Variants in NCOA5 observed in about 807,000 individuals in gnomAD.
NCOA5 encodes the protein NCoA-5.
A neutral mutation model predicts 59.0 loss-of-function variants in NCOA5; 12 were observed. The observed-to-expected ratio is 0.20, with a 90% CI of 0.13 to 0.33. The LOEUF (loss-of-function observed/expected upper bound fraction) is 0.33. Ranked by LOEUF, NCOA5 falls within the 10% of genes least tolerant of loss-of-function variation. NCOA5 has a pLI of 1.00. For missense variants in NCOA5, 655 were observed against 766.6 expected (o/e 0.85, Z 1.72); for synonymous variants, 270 against 275.5 (o/e 0.98, Z 0.20).
chr20:46,062,873 T>C lies in NCOA5; in HGVS notation c.1167A>G (p.Gln389=), dbSNP rs745552702. The part of the protein sequence containing the change: ...TDSLPGPISR[Q]PLGATSGASL... ...AGGCACCCGAGGTCGCCCCGAGTGGTTGGCGGGAAATCGGGCCTGGAAGAC... is the reference window on the plus strand; with the variant it reads ...AGGCACCCGAGGTCGCCCCGAGTGGCTGGCGGGAAATCGGGCCTGGAAGAC... The change falls in exon 8 of 8, where the codon CAA becomes CAG. Residue 389 remains glutamine (Q), a synonymous_variant. Coordinates refer to ENST00000290231, the MANE Select transcript of NCOA5 (RefSeq NM_020967.3). The C allele has an allele frequency of 6.6e-6, 10 of 1,517,024 alleles. No individual in the cohort carries two copies. In the Admixed American group the frequency reaches 1.1e-4, roughly 17 times the overall value. The allele number at this position is 1,517,024 out of a possible 1,614,324, so 94.0% of individuals were successfully genotyped here.
At chr20:46,081,232 C>T (rs2084988796) in intron 1 of NCOA5, among the ~76,000 whole-genome samples, 1 of 152,078 alleles carries the variant, frequency 6.6e-6, no homozygotes, top group African/African-American at 2.4e-5. Flanking sequence ...CATCTAAACA[C>T]TGACTAGACC....
intron 2 of NCOA5, among the ~76,000 whole-genome samples, chr20:46,072,370 C>T (rs192361909): frequency 1.3e-5 from 2 of 152,172 alleles, no homozygotes; most frequent in African/African-American, 2.4e-5. Flanking sequence ...GCTGCCCAGG[C>T]TGGAGTGCAG....
chr20:46,069,421 A>G (rs2084857977), intron 3 of NCOA5, among the ~76,000 whole-genome samples: 1 of 152,214 alleles, frequency 6.6e-6, no homozygotes, highest in Admixed American at 6.5e-5. Context: ...TGGCTGAATG[A>G]TACCACATTA....
rs189319413 is a variant in NCOA5 at position 46,086,682 on chromosome 20, G to T, written c.-30+3135C>A. ...TGCTATTCACAGGACAACTATTTTT[G>T]CACAAAAAAGCTGATATTGAGCTTT... On this transcript the variant is annotated intron_variant, in intron 1 of 7. Coordinates refer to ENST00000290231, the MANE Select transcript of NCOA5 (RefSeq NM_020967.3). Among the ~76,000 whole-genome samples, 738 of 152,204 alleles carry T rather than the reference G, an allele frequency of 4.8e-3. 3 individuals carry two copies. Among genetic ancestry groups the T allele is most frequent in the Non-Finnish European group, 6.6e-3 (446 of 67,992 alleles).
At chr20:46,076,474 AAAT>A (rs2084939737) in intron 2 of NCOA5, among the ~76,000 whole-genome samples, 1 of 152,182 alleles carries the variant, frequency 6.6e-6, no homozygotes, top group African/African-American at 2.4e-5. Context: ...ACAATGATTA[AAAT>A]GTTAGTGCTC....
intron 3 of NCOA5, 37 bp from the exon 4 acceptor site, chr20:46,068,675 G>C (rs1187698158): frequency 6.3e-7 from 1 of 1,595,088 alleles, no homozygotes; most frequent in Admixed American, 1.8e-5. Context: ...AGATAAAACT[G>C]TGTCTTATCC....
chr20:46,069,017 G>A (rs2084853823), intron 3 of NCOA5, among the ~76,000 whole-genome samples: 1 of 151,586 alleles, frequency 6.6e-6, no homozygotes, highest in South Asian at 2.1e-4. Context: ...ATGTTGCCTA[G>A]GTTGGTCTTG....
intron 1 of NCOA5, among the ~76,000 whole-genome samples, chr20:46,087,037 T>A (rs895649784): frequency 6.6e-6 from 1 of 152,192 alleles, no homozygotes; most frequent in Non-Finnish European, 1.5e-5. Flanking sequence ...GGGCAAGAAA[T>A]CTAACCTCTT....
At chr20:46,088,799 G>A (rs1394464156) in intron 1 of NCOA5, among the ~76,000 whole-genome samples, 1 of 152,240 alleles carries the variant, frequency 6.6e-6, no homozygotes, top group Non-Finnish European at 1.5e-5. Context: ...CAAGCCAGAA[G>A]AACCACAATT....
intron 5 of NCOA5, among the ~76,000 whole-genome samples, chr20:46,066,564 C>A (rs577366314): frequency 6.6e-6 from 1 of 152,186 alleles, no homozygotes; most frequent in African/African-American, 2.4e-5. Context: ...ACACCCAGCA[C>A]CCCTGCCAAA....
At chr20:46,073,523 C>T (rs2075413861) in intron 2 of NCOA5, among the ~76,000 whole-genome samples, 1 of 152,152 alleles carries the variant, frequency 6.6e-6, no homozygotes, top group African/African-American at 2.4e-5. Context: ...CACTCAAGAT[C>T]CAAAGAGAAA....
chr20:46,067,294 C>A, intron 4 of NCOA5, 113 bp from the exon 5 acceptor site: 1 of 1,216,412 alleles, frequency 8.2e-7, no homozygotes, highest in South Asian at 1.7e-5. Context: ...GGTCTATCTC[C>A]TAAAAACAGC....
At position 46,062,858 on chromosome 20, in the gene NCOA5, G is replaced by A; in HGVS notation, c.1182C>T (p.Thr394=). 1 of 1,522,598 alleles carries A rather than the reference G, an allele frequency of 6.6e-7. No individual in the cohort carries two copies. Among genetic ancestry groups the A allele is most frequent in the Non-Finnish European group, 8.8e-7 (1 of 1,136,234 alleles). 94.3% of individuals were successfully genotyped at this position (1,522,598 alleles called of 1,614,324 possible). The change falls in exon 8 of 8, where the codon ACC becomes ACT. Residue 394 remains threonine (T), a synonymous_variant. Transcript: ENST00000290231. ...GPISRQPLGA[T]SGASLKTQPS... ...GCTGTGTCTTCAGCGAGGCACCCGA[G>A]GTCGCCCCGAGTGGTTGGCGGGAAA...
Position 46,062,796 on chromosome 20 carries a change from G to A in NCOA5, c.1244C>T (p.Pro415Leu), listed in dbSNP as rs544694562. Residue 415 changes from proline to leucine, a missense_variant, in exon 8 of 8, where the codon CCC becomes CTC. Coordinates refer to ENST00000290231, the MANE Select transcript of NCOA5 (RefSeq NM_020967.3). ...SQPLQSGQVL[P>L]SATPTPSAPP... ...TGCAGATGGAGTGGGTGTAGCAGAG[G>A]GGAGCACTTGGCCGCTCTGGAGCGG... 1 of 1,579,572 alleles carries A rather than the reference G, an allele frequency of 6.3e-7. No individual in the cohort carries two copies. The highest frequency in any genetic ancestry group is 8.6e-7 in the Non-Finnish European group (1 of 1,161,366).
Position 46,079,397 on chromosome 20 carries a change from G to A in NCOA5, c.28C>T (p.Pro10Ser). Residue 10 changes from proline to serine, a missense_variant, in exon 2 of 8, where the codon CCC becomes TCC. Transcript: ENST00000290231. MNTAPSRPSPTRRDPYGFGD... is the reference protein window; with the variant it reads MNTAPSRPSSTRRDPYGFGD... ...TTCAGGGTACTTTACCTTCGTGTGG[G>A]GCTGGGTCTTGATGGAGCCGTATTC... 6.2e-7 allele frequency: 1 copy of A among 1,613,936 alleles called. No individual in the cohort carries two copies. Among genetic ancestry groups the A allele is most frequent in the Non-Finnish European group, 8.5e-7 (1 of 1,179,982 alleles).
intron 3 of NCOA5, among the ~76,000 whole-genome samples, chr20:46,069,127 A>G (rs1192352283): frequency 6.6e-6 from 1 of 152,124 alleles, no homozygotes; most frequent in Non-Finnish European, 1.5e-5. Context: ...ATTTTTAAGT[A>G]TACAATTCAG....
rs752244193 is a variant in NCOA5, at chr20:46,062,271, G to C, written c.*29C>G. ...AAGTGGGAGGAGGCCAGGGGATGAGGGGACTGGGGAGAGTTGAAAGATTTA... is the reference window on the plus strand; with the variant it reads ...AAGTGGGAGGAGGCCAGGGGATGAGCGGACTGGGGAGAGTTGAAAGATTTA... On this transcript the variant is annotated 3_prime_UTR_variant, in exon 8 of 8. Coordinates refer to ENST00000290231, the MANE Select transcript of NCOA5 (RefSeq NM_020967.3). The C allele has an allele frequency of 3.2e-6, 5 of 1,566,486 alleles. No individual in the cohort carries two copies. The highest frequency in any genetic ancestry group is 1.4e-5 in the African/African-American group (1 of 73,650).
At chr20:46,076,995 A>G (rs1568884917) in intron 2 of NCOA5, among the ~76,000 whole-genome samples, 1 of 152,184 alleles carries the variant, frequency 6.6e-6, no homozygotes, top group African/African-American at 2.4e-5. Context: ...GGCTCACTGC[A>G]GCCTCAACCC....
intron 5 of NCOA5, among the ~76,000 whole-genome samples, chr20:46,065,842 C>G (rs546934472): frequency 3.0e-4 from 46 of 152,344 alleles, no homozygotes; most frequent in Middle Eastern, 3.4e-3. Flanking sequence ...TGAGGCTATA[C>G]AGCCCCAATA....
Sources: gnomAD v4.1 joint callset for allele counts (sites outside exome capture counted in the v4.1 genomes callset) on GRCh38, gnomAD v4.1.1 for gene constraint, MANE v1.5 for transcripts, NCBI Gene and HGNC (gene_info 2026-07-23, HGNC 2026-07-21) for gene names.